The following DCC variants were observed in gnomAD, a reference collection of about 807,000 sequenced individuals.
The protein encoded by DCC is DCC netrin 1 receptor.
A neutral mutation model predicts 172.5 loss-of-function variants in DCC; 58 were observed. The ratio of observed to expected loss-of-function variants is 0.34; its 90% CI spans 0.27 to 0.42. DCC has a LOEUF of 0.42. Among genes scored for constraint, DCC ranks in the 10% least tolerant of loss-of-function variants. The probability of loss-of-function intolerance (pLI) is 1.00; values close to 1 mark genes in which losing one functional copy is unlikely to be tolerated. For missense variants in DCC, 1,740 were observed against 1,791.0 expected (o/e 0.97, Z 0.51); for synonymous variants, 709 against 644.5 (o/e 1.10, Z -1.52).
intron 19 of DCC, among the ~76,000 whole-genome samples, chr18:53,407,530 T>TATAA (rs1248291890): frequency 3.6e-5 from 2 of 55,602 alleles, no homozygotes; most frequent in East Asian, 4.6e-4. Flanking sequence ...TTATTCTGGA[T>TATAA]ATATATATAT....
At chr18:52,986,078 A>C (rs1369967148) in intron 5 of DCC, among the ~76,000 whole-genome samples, 2 of 152,140 alleles carry the variant, frequency 1.3e-5, no homozygotes. Context: ...ATAGGATGTT[A>C]AGTAATGTCT....
At chr18:53,099,075 C>T (rs1464748024) in intron 7 of DCC, among the ~76,000 whole-genome samples, 2 of 151,916 alleles carry the variant, frequency 1.3e-5, no homozygotes, top group Non-Finnish European at 2.9e-5. Context: ...AGAATAACGG[C>T]CTATTCCTCA....
intron 24 of DCC, among the ~76,000 whole-genome samples, chr18:53,464,936 G>A (rs529283083): frequency 1.2e-3 from 165 of 134,046 alleles, no homozygotes; most frequent in African/African-American, 4.6e-3. Context: ...CTGAGATCAC[G>A]CCACTGCACT....
chr18:53,144,299 C>A (rs1298858742), intron 7 of DCC, among the ~76,000 whole-genome samples: 2 of 152,038 alleles, frequency 1.3e-5, no homozygotes, highest in African/African-American at 2.4e-5. Flanking sequence ...CTTAGAACTC[C>A]CTTCCCATTT....
intron 15 of DCC, among the ~76,000 whole-genome samples, chr18:53,383,726 T>C (rs1344718004): frequency 1.3e-5 from 2 of 151,718 alleles, no homozygotes; most frequent in African/African-American, 4.8e-5. Flanking sequence ...AAGTACAATT[T>C]TGAGTTCAAA....
At chr18:53,486,619 G>A (rs2045902961) in intron 25 of DCC, among the ~76,000 whole-genome samples, 178 bp from the exon 26 acceptor site, 1 of 152,178 alleles carries the variant, frequency 6.6e-6, no homozygotes, top group Non-Finnish European at 1.5e-5. Context: ...CTTGAGGGAT[G>A]AGCTGTCTTT....
At chr18:52,922,164 T>G (rs1273242234) in intron 3 of DCC, among the ~76,000 whole-genome samples, 1 of 152,174 alleles carries the variant, frequency 6.6e-6, no homozygotes, top group Non-Finnish European at 1.5e-5. Flanking sequence ...GAAAATGTTC[T>G]CAATATTTTC....
At chr18:52,440,239 C>T (rs1987933055) in intron 1 of DCC, among the ~76,000 whole-genome samples, 2 of 152,144 alleles carry the variant, frequency 1.3e-5, no homozygotes, top group Admixed American at 6.5e-5. Flanking sequence ...AGAATTCCAT[C>T]TGAGTAATCT....
chr18:52,596,230 A>G, intron 1 of DCC, among the ~76,000 whole-genome samples: 1 of 152,214 alleles, frequency 6.6e-6, no homozygotes, highest in East Asian at 1.9e-4. Context: ...AAGTAATGGA[A>G]CTAACATTCT....
chr18:52,892,239 G>A (rs1039821426), intron 2 of DCC, among the ~76,000 whole-genome samples: 8 of 152,054 alleles, frequency 5.3e-5, no homozygotes, highest in Non-Finnish European at 4.4e-5. Context: ...TGTTGTTGCT[G>A]ATTCTATAAA....
At chr18:53,025,493 C>T (rs182206892) in intron 5 of DCC, among the ~76,000 whole-genome samples, 9 of 152,096 alleles carry the variant, frequency 5.9e-5, no homozygotes, top group South Asian at 4.2e-4. Context: ...TGACTTGAGG[C>T]GCAGCCCACT....
At chr18:52,657,923 C>G (rs750494592) in intron 1 of DCC, among the ~76,000 whole-genome samples, 2 of 152,124 alleles carry the variant, frequency 1.3e-5, no homozygotes, top group East Asian at 3.9e-4. Flanking sequence ...ACAGATGAAC[C>G]GCGTTAATCA....
intron 1 of DCC, among the ~76,000 whole-genome samples, chr18:52,351,057 C>G (rs554914274): frequency 6.6e-6 from 1 of 152,220 alleles, no homozygotes; most frequent in East Asian, 1.9e-4. Context: ...GAAAGGGTCT[C>G]AGACAGCAGA....
intron 12 of DCC, among the ~76,000 whole-genome samples, chr18:53,252,929 G>A (rs565018446): frequency 9.9e-5 from 15 of 152,040 alleles, no homozygotes; most frequent in African/African-American, 3.1e-4. Context: ...GAAAACTAAA[G>A]GATAGAATTA....
chr18:53,022,429 G>T lies in DCC; in HGVS notation c.986-40876G>T, dbSNP rs147874859. Among the ~76,000 whole-genome samples the T allele has an allele frequency of 5.5e-3, 838 of 151,972 alleles. 5 individuals carry two copies. The highest frequency in any genetic ancestry group is 9.4e-3 in the Non-Finnish European group (641 of 67,944). On this transcript the variant is annotated intron_variant, in intron 5 of 28. Transcript: ENST00000442544. ...TAGTTGGAAGCACTAAGGGTTAATTGCAAAGTAGTTAAAACAATGGCAGGA... is the reference window on the plus strand; with the variant it reads ...TAGTTGGAAGCACTAAGGGTTAATTTCAAAGTAGTTAAAACAATGGCAGGA...
At chr18:52,497,314 TAC>T (rs34542048) in intron 1 of DCC, among the ~76,000 whole-genome samples, 32,278 of 73,654 alleles carry the variant, frequency 0.44, 11,432 homozygotes, top group Non-Finnish European at 0.54. Context: ...TATATATATA[TAC>T]ACACACACAT....
chr18:52,445,376 A>G (rs945133915), intron 1 of DCC, among the ~76,000 whole-genome samples: 1 of 152,216 alleles, frequency 6.6e-6, no homozygotes, highest in Non-Finnish European at 1.5e-5. Flanking sequence ...TTATCCATAA[A>G]GAATCCTGCA....
chr18:52,434,548 ATAAAC>A (rs1987727306), intron 1 of DCC, among the ~76,000 whole-genome samples: 1 of 152,202 alleles, frequency 6.6e-6, no homozygotes, highest in Non-Finnish European at 1.5e-5. Context: ...GATATGCTGC[ATAAAC>A]TATTTTTGGT....
At chr18:52,812,873 T>G (rs1438654795) in intron 2 of DCC, among the ~76,000 whole-genome samples, 1 of 152,182 alleles carries the variant, frequency 6.6e-6, no homozygotes, top group East Asian at 1.9e-4. Flanking sequence ...GCTGGGAACT[T>G]ACGCCTCTGG....
Sources: gnomAD v4.1 joint callset for allele counts (sites outside exome capture counted in the v4.1 genomes callset) on GRCh38, gnomAD v4.1.1 for gene constraint, MANE v1.5 for transcripts, NCBI Gene and HGNC (gene_info 2026-07-23, HGNC 2026-07-21) for gene names.